Variants in JAKMIP2 observed in about 807,000 individuals in gnomAD.
JAKMIP2 encodes janus kinase and microtubule interacting protein 2, also known as janus kinase and microtubule-interacting protein 2.
JAKMIP2 carries 25 observed loss-of-function variants against 115.0 expected under a neutral mutation model. That is an observed-to-expected ratio of 0.22 (90% CI 0.16 to 0.30). The LOEUF is 0.30. Among genes scored for constraint, JAKMIP2 ranks in the 10% least tolerant of loss-of-function variants. JAKMIP2 has a pLI of 1.00. For missense variants in JAKMIP2, 642 were observed against 957.6 expected, an observed-to-expected ratio of 0.67 and a Z score of 4.35; for synonymous variants, 334 against 343.6, an observed-to-expected ratio of 0.97 and a Z score of 0.31.
At chr5:147,681,873 C>T (rs2126834457) in intron 1 of JAKMIP2, among the ~76,000 whole-genome samples, 1 of 151,966 alleles carries the variant, frequency 6.6e-6, no homozygotes, top group East Asian at 1.9e-4. Context: ...GAAATCTCAT[C>T]TCCACAAAAA....
At chr5:147,727,287 TA>T (rs780554090) in intron 1 of JAKMIP2, among the ~76,000 whole-genome samples, 70 of 152,352 alleles carry the variant, frequency 4.6e-4, no homozygotes, top group Non-Finnish European at 8.8e-4. Context: ...TGGTAAAGTT[TA>T]AAAGCCAGAA....
intron 21 of JAKMIP2, chr5:147,594,271 T>C: frequency 3.7e-6 from 1 of 267,140 alleles, no homozygotes; most frequent in Non-Finnish European, 8.1e-6. Context: ...ACAATTTAGT[T>C]TCCTCATCTG....
intron 1 of JAKMIP2, among the ~76,000 whole-genome samples, chr5:147,762,001 A>G (rs534222968): frequency 6.6e-6 from 1 of 152,222 alleles, no homozygotes; most frequent in African/African-American, 2.4e-5. Context: ...ATATTTCCAA[A>G]AATAACTCAT....
chr5:147,698,988 G>A (rs1013037185), intron 1 of JAKMIP2, among the ~76,000 whole-genome samples: 18 of 152,090 alleles, frequency 1.2e-4, no homozygotes, highest in Non-Finnish European at 2.4e-4. Flanking sequence ...CACAATCTAC[G>A]TTATCTAAGA....
chr5:147,725,059 A>G (rs932588171), intron 1 of JAKMIP2, among the ~76,000 whole-genome samples: 2 of 152,130 alleles, frequency 1.3e-5, no homozygotes, highest in Admixed American at 6.5e-5. Context: ...CACCAAAACC[A>G]AGATGGTGAT....
chr5:147,734,222 T>C (rs942286322), intron 1 of JAKMIP2, among the ~76,000 whole-genome samples: 1 of 152,046 alleles, frequency 6.6e-6, no homozygotes, highest in African/African-American at 2.4e-5. Context: ...CGCATGTCAG[T>C]TAGAATGGTG....
chr5:147,589,052 A>G lies in JAKMIP2; in HGVS notation c.*2655T>C, dbSNP rs2126537027. The G allele has an allele frequency of 6.6e-6, 1 of 152,218 alleles. No homozygotes were observed. Among genetic ancestry groups the G allele is most frequent in the East Asian group, 1.9e-4 (1 of 5,156 alleles). 9.4% of individuals were successfully genotyped at this position (152,218 alleles called of 1,614,324 possible). ...CCATATTTTCTGACTCAAGTTGGCT[A>G]GTGTTGGGTCACCAACACTGTAGAG... On this transcript the variant is annotated 3_prime_UTR_variant, in exon 22 of 22. Coordinates refer to ENST00000616793, the MANE Select transcript of JAKMIP2 (RefSeq NM_001270941.2).
At chr5:147,651,749 G>A (rs753481769) in intron 3 of JAKMIP2, among the ~76,000 whole-genome samples, 19 of 152,104 alleles carry the variant, frequency 1.2e-4, no homozygotes, top group Non-Finnish European at 1.5e-5. Context: ...AGAGCTTTGG[G>A]CTAAATTCTG....
intron 16 of JAKMIP2, among the ~76,000 whole-genome samples, chr5:147,626,989 A>G (rs17106946): frequency 0.061 from 9,348 of 152,122 alleles, 813 homozygotes; most frequent in African/African-American, 0.19. Context: ...ATGGTGTCTT[A>G]TGAGCATTCA....
intron 1 of JAKMIP2, among the ~76,000 whole-genome samples, chr5:147,683,532 C>T (rs879752157): frequency 2.6e-5 from 4 of 151,880 alleles, no homozygotes; most frequent in Non-Finnish European, 5.9e-5. Flanking sequence ...AACAAAAATC[C>T]CTAGCATGTA....
At chr5:147,639,956 T>C (rs1757804244) in intron 9 of JAKMIP2, among the ~76,000 whole-genome samples, 196 bp from the exon 10 acceptor site, 1 of 152,198 alleles carries the variant, frequency 6.6e-6, no homozygotes, top group African/African-American at 2.4e-5. Context: ...ACTGCAGAAA[T>C]ACATAAATAT....
chr5:147,647,467 T>A (rs1405744643), intron 5 of JAKMIP2, among the ~76,000 whole-genome samples: 2 of 151,990 alleles, frequency 1.3e-5, no homozygotes, highest in Non-Finnish European at 2.9e-5. Flanking sequence ...CCACAAGTGA[T>A]GATAAAAAAA....
intron 19 of JAKMIP2, among the ~76,000 whole-genome samples, chr5:147,613,432 T>C (rs1448499822): frequency 6.6e-6 from 1 of 152,210 alleles, no homozygotes; most frequent in Non-Finnish European, 1.5e-5. Context: ...TTGGAAAGCA[T>C]ATCTCCTTCT....
intron 1 of JAKMIP2, among the ~76,000 whole-genome samples, chr5:147,736,939 T>C (rs1753947084): frequency 1.3e-5 from 2 of 152,176 alleles, no homozygotes; most frequent in South Asian, 4.1e-4. Flanking sequence ...ATGAGATATA[T>C]AATTTATAAG....
intron 1 of JAKMIP2, among the ~76,000 whole-genome samples, chr5:147,742,724 T>A (rs1754196260): frequency 6.6e-6 from 1 of 152,176 alleles, no homozygotes; most frequent in Admixed American, 6.5e-5. Flanking sequence ...AATCCTACGT[T>A]TGTTATGTCA....
chr5:147,766,943 A>G (rs1755177208), intron 1 of JAKMIP2, among the ~76,000 whole-genome samples: 1 of 152,152 alleles, frequency 6.6e-6, no homozygotes, highest in Non-Finnish European at 1.5e-5. Context: ...TAAACTGATA[A>G]AAGCCCTTAA....
chr5:147,711,813 G>A (rs1294156939), intron 1 of JAKMIP2, among the ~76,000 whole-genome samples: 2 of 152,068 alleles, frequency 1.3e-5, no homozygotes, highest in East Asian at 1.9e-4. Flanking sequence ...GATTATAGGC[G>A]CACACCACCA....
intron 2 of JAKMIP2, 153 bp from the exon 3 acceptor site, chr5:147,661,598 T>G: frequency 1.5e-6 from 1 of 689,470 alleles, no homozygotes; most frequent in East Asian, 2.7e-5. Flanking sequence ...CTACAGGCCT[T>G]GAAGCTGGGA....
intron 1 of JAKMIP2, among the ~76,000 whole-genome samples, chr5:147,758,201 A>G (rs1754814683): frequency 6.6e-6 from 1 of 152,182 alleles, no homozygotes; most frequent in Non-Finnish European, 1.5e-5. Context: ...AATATTGTCC[A>G]CTAGTTTCAA....
Sources: allele counts gnomAD v4.1 joint callset (sites outside exome capture counted in the v4.1 genomes callset), GRCh38; gene constraint gnomAD v4.1.1; transcripts MANE v1.5; gene names NCBI Gene and HGNC (gene_info 2026-07-23, HGNC 2026-07-21).